The following BMPR1B variants were observed in gnomAD, a reference collection of about 807,000 sequenced individuals.
BMPR1B encodes the protein bone morphogenetic protein receptor type-1B.
A neutral mutation model predicts 59.1 loss-of-function variants in BMPR1B; 12 were observed. That is an observed-to-expected ratio of 0.20 (90% CI 0.13 to 0.33). The LOEUF (loss-of-function observed/expected upper bound fraction) is 0.33. Ranked by LOEUF, BMPR1B falls within the 10% of genes least tolerant of loss-of-function variation. The pLI is 1.00. For missense variants in BMPR1B, 550 were observed against 610.9 expected, an observed-to-expected ratio of 0.90 and a Z score of 1.05; for synonymous variants, 237 against 207.3, an observed-to-expected ratio of 1.14 and a Z score of -1.23.
At chr4:94,989,912 G>A (rs1443287889) in intron 2 of BMPR1B, among the ~76,000 whole-genome samples, 1 of 152,162 alleles carries the variant, frequency 6.6e-6, no homozygotes, top group Non-Finnish European at 1.5e-5. Context: ...CACATGAAAA[G>A]ATGCTCAACA....
At chr4:95,026,480 T>C (rs116554376) in intron 3 of BMPR1B, among the ~76,000 whole-genome samples, 1 of 152,082 alleles carries the variant, frequency 6.6e-6, no homozygotes, top group East Asian at 1.9e-4. Context: ...ACTAGTACTT[T>C]TTATTTTCCT....
At chr4:94,816,231 C>T (rs1724006119) in intron 1 of BMPR1B, among the ~76,000 whole-genome samples, 1 of 152,222 alleles carries the variant, frequency 6.6e-6, no homozygotes, top group Non-Finnish European at 1.5e-5. Flanking sequence ...ACTGCAACCT[C>T]TGCCTCCCAG....
chr4:95,116,518 A>G (rs1197920723), intron 6 of BMPR1B, among the ~76,000 whole-genome samples: 1 of 151,770 alleles, frequency 6.6e-6, no homozygotes, highest in East Asian at 1.9e-4. Context: ...AGTGATTTAA[A>G]GTGATTTTTC....
intron 3 of BMPR1B, among the ~76,000 whole-genome samples, chr4:95,043,225 G>GT (rs1228160333): frequency 7.4e-6 from 1 of 134,602 alleles, no homozygotes; most frequent in Admixed American, 7.7e-5. Context: ...TTACCTCACA[G>GT]TTTATCTATC....
intron 8 of BMPR1B, among the ~76,000 whole-genome samples, chr4:95,126,933 A>G (rs767497370): frequency 1.7e-4 from 26 of 152,108 alleles, no homozygotes; most frequent in Non-Finnish European, 3.5e-4. Context: ...TGTGTTTAAC[A>G]AATGACTTTA....
intron 3 of BMPR1B, among the ~76,000 whole-genome samples, chr4:95,082,090 G>A (rs911703469): frequency 6.0e-5 from 9 of 149,370 alleles, no homozygotes; most frequent in Non-Finnish European, 1.3e-4. Flanking sequence ...CCATTAACTC[G>A]TCATTTAGCA....
chr4:94,873,871 G>T (rs1363351071), intron 1 of BMPR1B, among the ~76,000 whole-genome samples: 1 of 152,138 alleles, frequency 6.6e-6, no homozygotes, highest in Non-Finnish European at 1.5e-5. Flanking sequence ...CAGATTTCCA[G>T]AACTTTTTCA....
At chr4:95,003,623 G>T (rs1470737701) in intron 3 of BMPR1B, among the ~76,000 whole-genome samples, 2 of 151,938 alleles carry the variant, frequency 1.3e-5, no homozygotes, top group African/African-American at 4.8e-5. Context: ...CTGTATGTGT[G>T]TATATATGTA....
At chr4:94,844,609 G>T (rs1725241591) in intron 1 of BMPR1B, among the ~76,000 whole-genome samples, 1 of 152,144 alleles carries the variant, frequency 6.6e-6, no homozygotes, top group Non-Finnish European at 1.5e-5. Context: ...CAGAAGACCG[G>T]AGAGGGGATA....
chr4:94,927,908 G>C (rs1728951938), intron 2 of BMPR1B, among the ~76,000 whole-genome samples: 1 of 152,084 alleles, frequency 6.6e-6, no homozygotes, highest in Non-Finnish European at 1.5e-5. Context: ...CATCGAGTAT[G>C]TGGAATCCAT....
intron 1 of BMPR1B, among the ~76,000 whole-genome samples, chr4:94,818,977 T>C (rs1047179511): frequency 6.6e-6 from 1 of 151,566 alleles, no homozygotes; most frequent in Admixed American, 6.6e-5. Context: ...AGAAAAAAAA[T>C]TTTTAAAAAT....
At chr4:94,826,998 A>C (rs1724405942) in intron 1 of BMPR1B, among the ~76,000 whole-genome samples, 1 of 152,202 alleles carries the variant, frequency 6.6e-6, no homozygotes, top group Non-Finnish European at 1.5e-5. Flanking sequence ...AGCCAAAAAT[A>C]CTGAATTCTA....
intron 1 of BMPR1B, among the ~76,000 whole-genome samples, chr4:94,816,612 G>T (rs1724019628): frequency 6.6e-6 from 1 of 151,924 alleles, no homozygotes; most frequent in African/African-American, 2.4e-5. Flanking sequence ...AATAGCTAAG[G>T]CCATTTTTCT....
intron 4 of BMPR1B, among the ~76,000 whole-genome samples, chr4:95,105,445 G>T (rs1482774339): frequency 6.6e-6 from 1 of 151,904 alleles, no homozygotes; most frequent in Non-Finnish European, 1.5e-5. Flanking sequence ...GGCTTCATTA[G>T]CCAGAAGGTA....
At chr4:95,030,718 C>T (rs1203081911) in intron 3 of BMPR1B, among the ~76,000 whole-genome samples, 4 of 152,232 alleles carry the variant, frequency 2.6e-5, no homozygotes, top group Middle Eastern at 3.4e-3. Context: ...CATTCTTATA[C>T]ACCAATAACA....
chr4:95,089,274 A>T (rs1407722971), intron 3 of BMPR1B, among the ~76,000 whole-genome samples: 1 of 152,100 alleles, frequency 6.6e-6, no homozygotes, highest in South Asian at 2.1e-4. Context: ...TGTGAAGGGT[A>T]ATTATTTCTC....
chr4:94,773,768 G>C (rs1221965160), intron 1 of BMPR1B, among the ~76,000 whole-genome samples: 1 of 152,068 alleles, frequency 6.6e-6, no homozygotes, highest in African/African-American at 2.4e-5. Flanking sequence ...TAATTTCCCT[G>C]TGTATCTCAT....
chr4:94,985,840 C>G (rs1377599096), intron 2 of BMPR1B, among the ~76,000 whole-genome samples: 2 of 152,210 alleles, frequency 1.3e-5, no homozygotes, highest in Non-Finnish European at 2.9e-5. Context: ...TATTGCCTAT[C>G]CCGATGAACA....
chr4:94,838,713 C>A lies in BMPR1B; in HGVS notation c.-182-37118C>A, dbSNP rs1253670250. ...TGTTGATCCTTTCAAAAAACCAGCTCCTGGATTCATTAATTTTTTGAAGGG... is the reference window on the plus strand; with the variant it reads ...TGTTGATCCTTTCAAAAAACCAGCTACTGGATTCATTAATTTTTTGAAGGG... On this transcript the variant is annotated intron_variant, in intron 1 of 12. Transcript: ENST00000515059. 2.2e-5 allele frequency among the ~76,000 whole-genome samples: 3 copies of A among 137,318 alleles called. 1 individual carries two copies. Among genetic ancestry groups the A allele is most frequent in the Non-Finnish European group, 4.8e-5 (3 of 62,708 alleles). 90.1% of individuals were successfully genotyped at this position (137,318 alleles called of 152,430 possible). A position where few individuals can be genotyped will look rare whatever the true frequency, so the allele number is the denominator to read the frequency against.
Sources: allele counts gnomAD v4.1 joint callset (sites outside exome capture counted in the v4.1 genomes callset), GRCh38; gene constraint gnomAD v4.1.1; transcripts MANE v1.5; gene names NCBI Gene and HGNC (gene_info 2026-07-23, HGNC 2026-07-21).